BBS9: variants seen among roughly 807,000 people sequenced by gnomAD.
The protein encoded by BBS9 is Bardet-Biedl syndrome 9, also known as protein PTHB1.
In BBS9, 89 loss-of-function variants were observed where a neutral mutation model predicts 117.7. That is an observed-to-expected ratio of 0.76 (90% confidence interval 0.64 to 0.90). The LOEUF (loss-of-function observed/expected upper bound fraction) is 0.90, where lower values mean the gene tolerates loss of function less well. Ranked by LOEUF, BBS9 falls within the 40% of genes least tolerant of loss-of-function variation. The pLI, the probability that BBS9 is intolerant of heterozygous loss-of-function variation, is 0.00. For synonymous variants in BBS9, 379 were observed against 370.9 expected, an observed-to-expected ratio of 1.02 and a Z score of -0.25; for missense variants, 982 against 1,042.2, an observed-to-expected ratio of 0.94 and a Z score of 0.80.
intron 5 of BBS9, chr7:33,243,094 C>T (rs1006448219): frequency 7.9e-5 from 34 of 428,878 alleles, no homozygotes; most frequent in Middle Eastern, 3.7e-4. Context: ...ACTGTTAATT[C>T]GGAAGTCTTT....
intron 19 of BBS9, among the ~76,000 whole-genome samples, chr7:33,441,054 C>A (rs1462671377): frequency 1.3e-5 from 2 of 151,824 alleles, no homozygotes. Flanking sequence ...CCGAACACTT[C>A]AACAGAAATA....
intron 21 of BBS9, among the ~76,000 whole-genome samples, chr7:33,560,124 A>G (rs1855873242): frequency 6.6e-6 from 1 of 152,182 alleles, no homozygotes; most frequent in Admixed American, 6.6e-5. Context: ...GGGATCCTTG[A>G]GGATAGTGCA....
intron 19 of BBS9, among the ~76,000 whole-genome samples, chr7:33,418,787 C>T (rs556739985): frequency 6.6e-6 from 1 of 152,272 alleles, no homozygotes; most frequent in Admixed American, 6.5e-5. Flanking sequence ...AATATGCTAA[C>T]AAAACTCCTT....
chr7:33,375,575 ATTTCTTTCTTTC>A (rs370471689), intron 17 of BBS9, among the ~76,000 whole-genome samples: 1 of 148,056 alleles, frequency 6.8e-6, no homozygotes, highest in Non-Finnish European at 1.5e-5. Flanking sequence ...CTAATTGCAA[ATTTCTTTCTTTC>A]TTTCTTTCTT....
At chr7:33,279,659 C>G (rs1801444522) in intron 9 of BBS9, among the ~76,000 whole-genome samples, 2 of 152,188 alleles carry the variant, frequency 1.3e-5, no homozygotes, top group African/African-American at 4.8e-5. Context: ...CTTTAGTCCT[C>G]TCTACCTTGT....
intron 19 of BBS9, among the ~76,000 whole-genome samples, chr7:33,389,958 A>G (rs1246050912): frequency 6.6e-6 from 1 of 152,164 alleles, no homozygotes; most frequent in Non-Finnish European, 1.5e-5. Context: ...TTGTTCCACA[A>G]ATATAGACTG....
At chr7:33,596,913 A>T (rs1172618988) in intron 21 of BBS9, among the ~76,000 whole-genome samples, 1 of 152,128 alleles carries the variant, frequency 6.6e-6, no homozygotes, top group Non-Finnish European at 1.5e-5. Flanking sequence ...AGCATACAGC[A>T]GATGCCTGGC....
At chr7:33,533,736 G>A (rs1850939267) in intron 20 of BBS9, 1 of 577,752 alleles carries the variant, frequency 1.7e-6, no homozygotes, top group Non-Finnish European at 3.1e-6. Context: ...ATTTGTAGAT[G>A]AGGATGAGGC....
rs552300125 is a variant in BBS9 at position 33,582,999 on chromosome 7, T to A, written c.2522-21866T>A. On this transcript the variant is annotated intron_variant, in intron 21 of 22. Coordinates refer to ENST00000242067, the MANE Select transcript of BBS9 (RefSeq NM_198428.3). ...GTACTTTCTCCTGTATTTTGCATTA[T>A]CTTGAATATACCCTCTTGTTTCATT... Among the ~76,000 whole-genome samples, 12 of 152,298 alleles carry A rather than the reference T, an allele frequency of 7.9e-5. No individual in the cohort carries two copies. In the South Asian group the frequency reaches 2.5e-3, roughly 32 times the overall value.
chr7:33,377,718 C>G (rs1397975382), intron 17 of BBS9, among the ~76,000 whole-genome samples: 1 of 151,940 alleles, frequency 6.6e-6, no homozygotes, highest in Non-Finnish European at 1.5e-5. Flanking sequence ...TTTGTAGATT[C>G]TTATTGTAGA....
At chr7:33,279,531 C>T (rs1019641314) in intron 9 of BBS9, among the ~76,000 whole-genome samples, 2 of 152,272 alleles carry the variant, frequency 1.3e-5, no homozygotes, top group African/African-American at 4.8e-5. Context: ...AAATACGTTT[C>T]TTTTCAGTGA....
chr7:33,202,946 C>G (rs1459318737), intron 5 of BBS9, among the ~76,000 whole-genome samples: 2 of 152,208 alleles, frequency 1.3e-5, no homozygotes, highest in Non-Finnish European at 2.9e-5. Context: ...TACCCATTGT[C>G]AACCTCCAGC....
chr7:33,611,538 T>C (rs1333454872), intron 21 of BBS9, among the ~76,000 whole-genome samples: 1 of 140,474 alleles, frequency 7.1e-6, no homozygotes, highest in African/African-American at 2.6e-5. Context: ...ATTATATTTA[T>C]TCCTTTATAT....
chr7:33,606,618 A>G (rs565194547), downstream of BBS9, among the ~76,000 whole-genome samples: 1 of 152,158 alleles, frequency 6.6e-6, no homozygotes, highest in South Asian at 2.1e-4. Context: ...GAGGGTCTCT[A>G]TTCTGGCTAA....
At chr7:33,379,556 G>A (rs964347683) in intron 17 of BBS9, among the ~76,000 whole-genome samples, 3 of 152,150 alleles carry the variant, frequency 2.0e-5, no homozygotes, top group African/African-American at 7.2e-5. Flanking sequence ...TGAAATTTCT[G>A]TAAAAATTTA....
chr7:33,300,817 A>G (rs562209995), intron 9 of BBS9, among the ~76,000 whole-genome samples: 1 of 152,206 alleles, frequency 6.6e-6, no homozygotes, highest in East Asian at 1.9e-4. Context: ...CCTTCTGCCT[A>G]AAAAATGCTC....
In BBS9 at chr7:33,264,147, C is replaced by T. The variant is rs1798407831; in HGVS notation, c.618-143C>T. 1.3e-5 allele frequency: 5 copies of T among 376,224 alleles called. No homozygotes were observed. The Middle Eastern group carries it at 2.5e-3, about 185-fold the overall frequency. The allele number at this position is 376,224 out of a possible 1,614,324, so 23.3% of individuals were successfully genotyped here. On this transcript the variant is annotated intron_variant, in intron 6 of 22. Transcript: ENST00000242067. ...GTCACAATATCACTCAATAAGAATT[C>T]AATCTTAAATTTTAGAGTTTTTAAA...
chr7:33,266,677 A>G (rs2128331110), intron 7 of BBS9, among the ~76,000 whole-genome samples: 1 of 152,186 alleles, frequency 6.6e-6, no homozygotes, highest in South Asian at 2.1e-4. Context: ...GGGTATTGAA[A>G]TCTTTGACTG....
intron 17 of BBS9, among the ~76,000 whole-genome samples, chr7:33,368,758 G>A (rs1249348486): frequency 6.6e-6 from 1 of 152,004 alleles, no homozygotes; most frequent in Non-Finnish European, 1.5e-5. Context: ...AGTACAATAA[G>A]GCCATCTGTT....
Sources: allele counts gnomAD v4.1 joint callset (sites outside exome capture counted in the v4.1 genomes callset), GRCh38; gene constraint gnomAD v4.1.1; transcripts MANE v1.5; gene names NCBI Gene and HGNC (gene_info 2026-07-23, HGNC 2026-07-21).